Variants in ACTR3C observed in about 807,000 individuals in gnomAD.
ACTR3C encodes the protein actin related protein 3C.
ACTR3C carries 18 observed loss-of-function variants against 26.3 expected under a neutral mutation model. The observed-to-expected ratio is 0.68, with a 90% CI of 0.47 to 1.01. The LOEUF (loss-of-function observed/expected upper bound fraction) is 1.01, where lower values mean the gene tolerates loss of function less well. ACTR3C is among the 50% of genes least tolerant of loss of function. The probability of loss-of-function intolerance (pLI) is 0.00; values close to 1 mark genes in which losing one functional copy is unlikely to be tolerated. For missense variants in ACTR3C, 184 were observed against 250.7 expected, an observed-to-expected ratio of 0.73 and a Z score of 1.80; for synonymous variants, 55 against 94.5, an observed-to-expected ratio of 0.58 and a Z score of 2.42.
chr7:150,214,907 G>T, the ACTR3C span, among the ~76,000 whole-genome samples: 9 of 151,966 alleles, frequency 5.9e-5, no homozygotes, highest in Non-Finnish European at 1.3e-4. Context: ...TGCTGAAAAA[G>T]AAGTAAAAAT....
At chr7:150,033,779 T>C in the ACTR3C span, among the ~76,000 whole-genome samples, 1 of 140,396 alleles carries the variant, frequency 7.1e-6, no homozygotes, top group Non-Finnish European at 1.5e-5. Context: ...CCTCCTGCGA[T>C]GGGGGTCCTC....
the ACTR3C span, among the ~76,000 whole-genome samples, chr7:150,033,318 T>C: frequency 6.6e-6 from 1 of 152,242 alleles, no homozygotes; most frequent in Non-Finnish European, 1.5e-5. Context: ...GCGTTTGCTC[T>C]AGGGCTCTTC....
the ACTR3C span, among the ~76,000 whole-genome samples, chr7:150,157,635 C>T: frequency 6.6e-6 from 1 of 152,130 alleles, no homozygotes; most frequent in African/African-American, 2.4e-5. Flanking sequence ...TCCTGAGTTC[C>T]ACCAACACTG....
At chr7:150,173,991 A>G in the ACTR3C span, among the ~76,000 whole-genome samples, 2 of 142,932 alleles carry the variant, frequency 1.4e-5, no homozygotes, top group Admixed American at 1.3e-4. Context: ...TTTTGGTCAA[A>G]GCCATTCAGC....
chr7:149,955,347 CTGAT>C, the ACTR3C span, among the ~76,000 whole-genome samples: 2 of 152,210 alleles, frequency 1.3e-5, no homozygotes, highest in Admixed American at 6.5e-5. Context: ...GGCTGATTAA[CTGAT>C]TAATTGATTA....
chr7:149,896,496 T>G, the ACTR3C span, among the ~76,000 whole-genome samples: 1 of 152,188 alleles, frequency 6.6e-6, no homozygotes, highest in African/African-American at 2.4e-5. Context: ...TTATCTATAC[T>G]AAATTGGAGA....
At chr7:149,963,884 T>C in the ACTR3C span, among the ~76,000 whole-genome samples, 1 of 152,236 alleles carries the variant, frequency 6.6e-6, no homozygotes, top group East Asian at 1.9e-4. Flanking sequence ...CTACTTTTTT[T>C]TGGAATGTTT....
At chr7:150,039,015 G>C in the ACTR3C span, among the ~76,000 whole-genome samples, 2 of 112,212 alleles carry the variant, frequency 1.8e-5, no homozygotes, top group Non-Finnish European at 3.9e-5. Flanking sequence ...GCGGGGAAGA[G>C]GGTCTGGCTC....
the ACTR3C span, among the ~76,000 whole-genome samples, chr7:149,906,007 G>A: frequency 1.6e-4 from 25 of 152,174 alleles, no homozygotes; most frequent in Admixed American, 1.1e-3. Context: ...ATATAACAGA[G>A]AAGTGAAAAA....
At chr7:150,172,352 C>T in the ACTR3C span, among the ~76,000 whole-genome samples, 13 of 150,468 alleles carry the variant, frequency 8.6e-5, 1 homozygote, top group African/African-American at 1.8e-4. Context: ...GTGATGGCGG[C>T]GAGAGAAAAT....
At chr7:150,202,334 A>C in the ACTR3C span, among the ~76,000 whole-genome samples, 46 of 152,234 alleles carry the variant, frequency 3.0e-4, no homozygotes, top group African/African-American at 1.1e-3. Context: ...TTTTTAAAAA[A>C]CTTTTATTGT....
At chr7:150,143,120 C>A in the ACTR3C span, among the ~76,000 whole-genome samples, 1 of 152,178 alleles carries the variant, frequency 6.6e-6, no homozygotes, top group Non-Finnish European at 1.5e-5. Context: ...GCATGAGCCA[C>A]CGCGCCCAAC....
the ACTR3C span, among the ~76,000 whole-genome samples, chr7:150,110,655 G>T: frequency 6.8e-6 from 1 of 146,918 alleles, no homozygotes; most frequent in Non-Finnish European, 1.5e-5. Context: ...GCTGGCAAGG[G>T]GCAAAACTGT....
At chr7:149,884,393 A>T in the ACTR3C span, among the ~76,000 whole-genome samples, 1 of 152,222 alleles carries the variant, frequency 6.6e-6, no homozygotes, top group African/African-American at 2.4e-5. Flanking sequence ...AGACAAGAGG[A>T]ATAAGTCCAA....
chr7:150,177,449 G>C, the ACTR3C span, among the ~76,000 whole-genome samples: 1 of 150,744 alleles, frequency 6.6e-6, no homozygotes, highest in African/African-American at 2.5e-5. Context: ...CATTTTTAAT[G>C]ATAGTTGTCA....
the ACTR3C span, among the ~76,000 whole-genome samples, chr7:150,078,696 C>G: frequency 6.6e-6 from 1 of 152,084 alleles, no homozygotes; most frequent in African/African-American, 2.4e-5. Context: ...ATGGGATGCC[C>G]AGATAGCTGG....
chr7:150,031,740 T>A, the ACTR3C span, among the ~76,000 whole-genome samples: 1 of 152,060 alleles, frequency 6.6e-6, no homozygotes, highest in Non-Finnish European at 1.5e-5. Flanking sequence ...GTGGGGGTAC[T>A]AGGACCATGG....
chr7:150,215,880 G>A, the ACTR3C span, among the ~76,000 whole-genome samples: 108 of 152,282 alleles, frequency 7.1e-4, no homozygotes, highest in Non-Finnish European at 1.5e-3. Context: ...ATATGCATTT[G>A]TAGGCCACAA....
chr7:150,276,384 A>G (rs1168543519), intron 6 of ACTR3C, among the ~76,000 whole-genome samples: 1 of 152,106 alleles, frequency 6.6e-6, no homozygotes, highest in Non-Finnish European at 1.5e-5. Context: ...AAAGACCACC[A>G]CAGGTTAAGA....
Sources: gnomAD v4.1 joint callset for allele counts (sites outside exome capture counted in the v4.1 genomes callset) on GRCh38, gnomAD v4.1.1 for gene constraint, MANE v1.5 for transcripts, NCBI Gene and HGNC (gene_info 2026-07-23, HGNC 2026-07-21) for gene names.